Variants in HMGXB3 observed in about 807,000 individuals in gnomAD.
HMGXB3 encodes the protein HMG-box containing 3.
A neutral mutation model predicts 121.5 loss-of-function variants in HMGXB3; 45 were observed. That is an observed-to-expected ratio of 0.37 (90% confidence interval 0.29 to 0.47). HMGXB3 has a LOEUF of 0.47. Ranked by LOEUF, HMGXB3 falls within the 20% of genes least tolerant of loss-of-function variation. The pLI, the probability that HMGXB3 is intolerant of heterozygous loss-of-function variation, is 0.99. For synonymous variants in HMGXB3, 590 were observed against 624.1 expected (o/e 0.95, Z 0.81); for missense variants, 1,376 against 1,602.2 (o/e 0.86, Z 2.41).
intron 16 of HMGXB3, 123 bp from the exon 17 acceptor site, chr5:150,047,501 T>C: frequency 3.5e-6 from 4 of 1,154,130 alleles, no homozygotes; most frequent in Non-Finnish European, 4.9e-6. Flanking sequence ...GTTCCACCTC[T>C]GCCAGCACTG....
At chr5:150,037,677 C>T (rs1170568511) in intron 13 of HMGXB3, 150 bp downstream of exon 13, 2 of 580,962 alleles carry the variant, frequency 3.4e-6, no homozygotes, top group African/African-American at 1.9e-5. Flanking sequence ...GTCTTAGTCC[C>T]ACAAGATGAC....
At chr5:150,028,819 C>G (rs369306182) in intron 9 of HMGXB3, among the ~76,000 whole-genome samples, 5 of 151,802 alleles carry the variant, frequency 3.3e-5, no homozygotes, top group Non-Finnish European at 5.9e-5. Flanking sequence ...GATCCTCTTC[C>G]CTCCTCGGCC....
At chr5:150,026,963 G>T in intron 8 of HMGXB3, 57 bp from the exon 9 acceptor site, 1 of 1,540,782 alleles carries the variant, frequency 6.5e-7, no homozygotes, top group South Asian at 1.2e-5. Context: ...CGGACATAGA[G>T]ACTTGGGGAG....
At position 150,051,605 on chromosome 5, in the gene HMGXB3, C is replaced by T. The variant is rs1236019579; in HGVS notation, c.3412-120C>T. The T allele has an allele frequency of 8.8e-6, 7 of 798,166 alleles. No homozygotes were observed. In the African/African-American group the frequency reaches 1.0e-4, roughly 12 times the overall value. The allele number at this position is 798,166 out of a possible 1,614,324, so 49.4% of individuals were successfully genotyped here. A position where few individuals can be genotyped will look rare whatever the true frequency, so the allele number is the denominator to read the frequency against. ...CGGGCAGGGGTTGGCCTAGGAGACA[C>T]AGTACATGGTGATGTTAGGATTCAA... On this transcript the variant is annotated intron_variant, in intron 19 of 19. Coordinates refer to ENST00000502717, the MANE Select transcript of HMGXB3 (RefSeq NM_014983.3).
chr5:150,052,539 G>A lies in HMGXB3; in HGVS notation c.*347G>A, dbSNP rs1472504246. On this transcript the variant is annotated 3_prime_UTR_variant, in exon 20 of 20. Coordinates refer to ENST00000502717, the MANE Select transcript of HMGXB3 (RefSeq NM_014983.3). ...AGGGTGGAGGTCCTGGGTGGGCTAA[G>A]GCGTGAGCCCCAGCACTAGGTGGGA... The A allele has an allele frequency of 1.1e-5, 3 of 262,772 alleles. No homozygotes were observed. The highest frequency in any genetic ancestry group is 2.2e-5 in the Non-Finnish European group (3 of 136,458). 16.3% of individuals were successfully genotyped at this position (262,772 alleles called of 1,614,324 possible).
chr5:150,006,995 G>T (rs144024918), intron 3 of HMGXB3, among the ~76,000 whole-genome samples: 1 of 152,060 alleles, frequency 6.6e-6, no homozygotes, highest in Non-Finnish European at 1.5e-5. Flanking sequence ...TTTCTCCTAC[G>T]CCATGAGTTT....
At chr5:150,015,745 C>T (rs1012253182) in intron 5 of HMGXB3, among the ~76,000 whole-genome samples, 15 of 152,168 alleles carry the variant, frequency 9.9e-5, no homozygotes, top group Non-Finnish European at 1.6e-4. Context: ...TACTTAGAAG[C>T]GTATTATTTA....
At chr5:150,003,026 C>T (rs374864394) in intron 1 of HMGXB3, among the ~76,000 whole-genome samples, 3 of 152,226 alleles carry the variant, frequency 2.0e-5, no homozygotes, top group East Asian at 3.9e-4. Context: ...ATGTGTAGTC[C>T]CAGCTACTTG....
chr5:150,029,599 T>A (rs1756324981), intron 9 of HMGXB3, among the ~76,000 whole-genome samples: 1 of 152,190 alleles, frequency 6.6e-6, no homozygotes, highest in African/African-American at 2.4e-5. Context: ...TTTTTTTTTC[T>A]CATTCCTATT....
chr5:150,052,418 C>T lies in HMGXB3; in HGVS notation c.*226C>T, dbSNP rs775120153. 4.6e-5 allele frequency: 25 copies of T among 542,620 alleles called. 1 individual carries two copies. The highest frequency in any genetic ancestry group is 2.1e-4 in the South Asian group (8 of 38,888). 33.6% of individuals were successfully genotyped at this position (542,620 alleles called of 1,614,324 possible). A position where few individuals can be genotyped will look rare whatever the true frequency, so the allele number is the denominator to read the frequency against. ...GGTACCAGGAAACCTCTTCTGGCCC[C>T]GAGAGAGCACTTGGGGGACACGGTA... On this transcript the variant is annotated 3_prime_UTR_variant, in exon 20 of 20. Transcript: ENST00000502717.
At chr5:150,034,640 TC>T (rs1359260294) in intron 11 of HMGXB3, among the ~76,000 whole-genome samples, 3 of 152,208 alleles carry the variant, frequency 2.0e-5, no homozygotes, top group Non-Finnish European at 4.4e-5. Context: ...CTGCAGACCT[TC>T]CATCACTTTC....
intron 4 of HMGXB3, among the ~76,000 whole-genome samples, chr5:150,011,486 G>A (rs1288653190): frequency 6.6e-6 from 1 of 152,162 alleles, no homozygotes; most frequent in East Asian, 1.9e-4. Context: ...GGGCAGAAGA[G>A]AACAAGTACC....
At position 150,027,093 on chromosome 5, in the gene HMGXB3, G is replaced by A. The variant is rs1159461448; in HGVS notation, c.1710G>A (p.Gln570=). ...AGCAGCTGGGCCAGCCCATTCAACA[G>A]CCATCTGGCCCTGGTGAGGTGAAGG... ...TLKQLGQPIQ[Q]PSGPGEVKLP... is the part of the protein sequence containing the mutation. The change falls in exon 9 of 20, where the codon CAG becomes CAA. Residue 570 remains glutamine, a synonymous_variant. Transcript: ENST00000502717. 12 of 1,551,532 alleles carry A rather than the reference G, an allele frequency of 7.7e-6. No homozygotes were observed. Among genetic ancestry groups the A allele is most frequent in the Non-Finnish European group, 1.0e-5 (12 of 1,146,994 alleles).
At chr5:150,016,238 G>C (rs571138408) in intron 5 of HMGXB3, among the ~76,000 whole-genome samples, 2 of 151,864 alleles carry the variant, frequency 1.3e-5, no homozygotes, top group African/African-American at 2.4e-5. Context: ...AGCTACTCAG[G>C]GCTGAGGTGG....
chr5:150,040,907 AG>A (rs1174161642), intron 14 of HMGXB3, 28 bp downstream of exon 14: 1 of 1,531,068 alleles, frequency 6.5e-7, no homozygotes, highest in South Asian at 1.2e-5. Flanking sequence ...CCCTTTCCCA[AG>A]GTTAGTCCTA....
intron 7 of HMGXB3, among the ~76,000 whole-genome samples, chr5:150,026,386 T>G (rs550754377): frequency 1.3e-5 from 2 of 152,218 alleles, no homozygotes; most frequent in Non-Finnish European, 2.9e-5. Context: ...TAGAGGTAGA[T>G]TAGATGTTAC....
intron 18 of HMGXB3, among the ~76,000 whole-genome samples, chr5:150,049,888 C>T (rs1024465985): frequency 4.6e-5 from 7 of 152,192 alleles, no homozygotes; most frequent in African/African-American, 1.4e-4. Context: ...GGTTTGACCT[C>T]GGGCCCAGGC....
intron 5 of HMGXB3, chr5:150,014,832 G>C: frequency 2.2e-6 from 1 of 455,754 alleles, no homozygotes; most frequent in African/African-American, 2.1e-5. Flanking sequence ...ATATTTCCCA[G>C]GGATTAAAAC....
At chr5:150,005,326 G>T (rs1424690744) in intron 2 of HMGXB3, among the ~76,000 whole-genome samples, 5 of 152,164 alleles carry the variant, frequency 3.3e-5, no homozygotes, top group African/African-American at 1.2e-4. Context: ...AAGGCTGGGC[G>T]TGATGGCTCA....
Sources: allele counts gnomAD v4.1 joint callset (sites outside exome capture counted in the v4.1 genomes callset), GRCh38; gene constraint gnomAD v4.1.1; transcripts MANE v1.5; gene names NCBI Gene and HGNC (gene_info 2026-07-23, HGNC 2026-07-21).